KCTD16: variants seen among roughly 807,000 people sequenced by gnomAD.
The protein encoded by KCTD16 is potassium channel tetramerization domain containing 16, also known as BTB/POZ domain-containing protein KCTD16.
KCTD16 carries 13 observed loss-of-function variants against 33.2 expected under a neutral mutation model. That is an observed-to-expected ratio of 0.39 (90% CI 0.25 to 0.62). The LOEUF (loss-of-function observed/expected upper bound fraction) is 0.62. KCTD16 is among the 20% of genes least tolerant of loss of function. The pLI is 0.50. For synonymous variants in KCTD16, 197 were observed against 195.3 expected (o/e 1.01, Z -0.07); for missense variants, 441 against 525.1 (o/e 0.84, Z 1.57).
rs1370879023 is a variant in KCTD16, at chr5:144,478,080, G to T, written c.*3966G>T. The stretch of plus-strand genomic sequence containing the variant: ...TTTCTCTCTTTAATGTCTTGGTATT[G>T]TTGGTGTCTTGCAATCTTGATGCCC... On this transcript the variant is annotated 3_prime_UTR_variant, in exon 4 of 4. Transcript: ENST00000512467. 6.6e-6 allele frequency: 1 copy of T among 152,002 alleles called. No individual in the cohort carries two copies. Among genetic ancestry groups the T allele is most frequent in the Non-Finnish European group, 1.5e-5 (1 of 67,958 alleles). The allele number at this position is 152,002 out of a possible 1,614,324, so 9.4% of individuals were successfully genotyped here. A position where few individuals can be genotyped will look rare whatever the true frequency, so the allele number is the denominator to read the frequency against.
intron 3 of KCTD16, among the ~76,000 whole-genome samples, chr5:144,402,733 T>A (rs147728595): frequency 6.3e-4 from 96 of 152,292 alleles, no homozygotes; most frequent in African/African-American, 2.3e-3. Context: ...ATTTTTCCCT[T>A]TGTTAAGGGA....
intron 3 of KCTD16, among the ~76,000 whole-genome samples, chr5:144,442,450 C>CTTCTTTCTTTCTTTCT (rs138864208): frequency 0.1 from 15,103 of 147,766 alleles, 837 homozygotes; most frequent in Admixed American, 0.12. Context: ...TCTTTTCTTT[C>CTTCTTTCTTTCTTTCT]TTCTTTCTTT....
At chr5:144,319,907 G>A (rs1375841937) in intron 3 of KCTD16, among the ~76,000 whole-genome samples, 2 of 151,798 alleles carry the variant, frequency 1.3e-5, no homozygotes, top group East Asian at 1.9e-4. Flanking sequence ...TATATATAAA[G>A]GTATAAATAT....
chr5:144,173,884 T>C (rs1752445327), intron 1 of KCTD16, among the ~76,000 whole-genome samples: 1 of 149,798 alleles, frequency 6.7e-6, no homozygotes, highest in Admixed American at 6.8e-5. Context: ...GCTAGTCACG[T>C]AGGAATTTCT....
At chr5:144,369,352 G>A (rs770604189) in intron 3 of KCTD16, 1 of 152,186 alleles carries the variant, frequency 6.6e-6, no homozygotes, top group Non-Finnish European at 1.5e-5. Context: ...CACAGGCATG[G>A]AAAAGGTCTC....
intron 3 of KCTD16, among the ~76,000 whole-genome samples, chr5:144,372,579 A>T (rs1470001852): frequency 1.1e-4 from 16 of 152,178 alleles, no homozygotes; most frequent in Non-Finnish European, 5.9e-5. Context: ...AAGAAGCCTG[A>T]TTCAGCCAAG....
intron 3 of KCTD16, among the ~76,000 whole-genome samples, chr5:144,380,458 AATGCC>A (rs1300981632): frequency 6.6e-6 from 1 of 152,216 alleles, no homozygotes; most frequent in Non-Finnish European, 1.5e-5. Context: ...TCAAACTATG[AATGCC>A]ATTTTTTACA....
At chr5:144,359,421 A>G (rs1280854542) in intron 3 of KCTD16, among the ~76,000 whole-genome samples, 1 of 152,128 alleles carries the variant, frequency 6.6e-6, no homozygotes, top group Admixed American at 6.6e-5. Flanking sequence ...AATTAAAGTC[A>G]CAGACAGATT....
chr5:144,485,137 T>G lies in KCTD16; in HGVS notation c.*11023T>G, dbSNP rs1003033509. ...ACCTTGGGATGTAACACTGTAGATC[T>G]TCGCCTGCTGTATTTCTTTCTTACC... is the stretch of plus-strand genomic sequence containing the variant. On this transcript the variant is annotated 3_prime_UTR_variant, in exon 4 of 4. Transcript: ENST00000512467. 6.6e-6 allele frequency: 1 copy of G among 152,014 alleles called. No individual in the cohort carries two copies. The highest frequency in any genetic ancestry group is 1.9e-4 in the East Asian group (1 of 5,138). 9.4% of individuals were successfully genotyped at this position (152,014 alleles called of 1,614,324 possible).
At chr5:144,194,045 G>A (rs956309412) in intron 2 of KCTD16, among the ~76,000 whole-genome samples, 1 of 152,174 alleles carries the variant, frequency 6.6e-6, no homozygotes, top group Non-Finnish European at 1.5e-5. Context: ...CAGGTGTATG[G>A]AAGTTGAGAA....
intron 3 of KCTD16, among the ~76,000 whole-genome samples, chr5:144,444,978 TTA>T (rs1753789837): frequency 6.7e-6 from 1 of 149,932 alleles, no homozygotes; most frequent in Admixed American, 6.7e-5. Flanking sequence ...ATTACATATA[TTA>T]TATATGATAT....
chr5:144,251,578 G>T (rs1464933985), intron 3 of KCTD16, among the ~76,000 whole-genome samples: 2 of 152,254 alleles, frequency 1.3e-5, no homozygotes, highest in African/African-American at 4.8e-5. Context: ...TGAATTTTGA[G>T]CAAGGCAGCA....
intron 3 of KCTD16, among the ~76,000 whole-genome samples, chr5:144,341,397 C>G (rs886630143): frequency 6.6e-6 from 1 of 152,068 alleles, no homozygotes; most frequent in Non-Finnish European, 1.5e-5. Flanking sequence ...GGGGATTAGG[C>G]AATGGATCTA....
At chr5:144,373,544 T>C (rs1044550922) in intron 3 of KCTD16, among the ~76,000 whole-genome samples, 10 of 152,226 alleles carry the variant, frequency 6.6e-5, no homozygotes, top group Admixed American at 4.6e-4. Flanking sequence ...CTTGTGTTTT[T>C]GGTCTATATC....
intron 2 of KCTD16, among the ~76,000 whole-genome samples, chr5:144,184,928 C>T (rs937423640): frequency 6.6e-6 from 1 of 152,068 alleles, no homozygotes; most frequent in Non-Finnish European, 1.5e-5. Flanking sequence ...GAGCCATTTC[C>T]CTTGTTCTTT....
intron 3 of KCTD16, among the ~76,000 whole-genome samples, chr5:144,348,812 A>G (rs1447045268): frequency 6.6e-6 from 1 of 152,290 alleles, no homozygotes; most frequent in East Asian, 1.9e-4. Context: ...GTGTTTGTTT[A>G]TTCTAGTTCA....
intron 3 of KCTD16, among the ~76,000 whole-genome samples, chr5:144,273,011 G>A (rs370727150): frequency 2.6e-5 from 4 of 152,014 alleles, no homozygotes; most frequent in Admixed American, 1.3e-4. Context: ...TGCATAAGAA[G>A]ACAATATCAA....
Position 144,481,097 on chromosome 5 carries a change from T to G in KCTD16, c.*6983T>G, listed in dbSNP as rs1754696082. 1 of 151,958 alleles carries G rather than the reference T, an allele frequency of 6.6e-6. No homozygotes were observed. The highest frequency in any genetic ancestry group is 2.4e-5 in the African/African-American group (1 of 41,424). The allele number at this position is 151,958 out of a possible 1,614,324, so 9.4% of individuals were successfully genotyped here. A position where few individuals can be genotyped will look rare whatever the true frequency, so the allele number is the denominator to read the frequency against. On this transcript the variant is annotated 3_prime_UTR_variant, in exon 4 of 4. Coordinates refer to ENST00000512467, the MANE Select transcript of KCTD16 (RefSeq NM_020768.4). Reference sequence around the variant, plus strand: ...GTAGTTTAGGTGTCTTGTGTTCTTCTACTTCAGTCTTTCTGCCTCAGAAAA... The same window carrying G: ...GTAGTTTAGGTGTCTTGTGTTCTTCGACTTCAGTCTTTCTGCCTCAGAAAA...
At position 144,206,541 on chromosome 5, in the gene KCTD16, G is replaced by A. The variant is rs1466405820; in HGVS notation, c.-174G>A. On this transcript the variant is annotated 5_prime_UTR_variant, in exon 3 of 4. It adds an upstream start codon to the 5' untranslated region. Coordinates refer to ENST00000512467, the MANE Select transcript of KCTD16 (RefSeq NM_020768.4). ...CTACTTTTTCAGCATCACTTCACCT[G>A]TGGACTCTTATACATTTTGATTTCT... 4 of 600,486 alleles carry A rather than the reference G, an allele frequency of 6.7e-6. No individual in the cohort carries two copies. Among genetic ancestry groups the A allele is most frequent in the Non-Finnish European group, 1.2e-5 (4 of 342,716 alleles). The allele number at this position is 600,486 out of a possible 1,614,324, so 37.2% of individuals were successfully genotyped here.
Sources: gnomAD v4.1 joint callset for allele counts (sites outside exome capture counted in the v4.1 genomes callset) on GRCh38, gnomAD v4.1.1 for gene constraint, MANE v1.5 for transcripts, NCBI Gene and HGNC (gene_info 2026-07-23, HGNC 2026-07-21) for gene names.